DENND2C: variants seen among roughly 807,000 people sequenced by gnomAD.
DENND2C encodes the protein DENN domain-containing protein 2C.
DENND2C carries 72 observed loss-of-function variants against 112.4 expected under a neutral mutation model. That is an observed-to-expected ratio of 0.64 (90% confidence interval 0.53 to 0.78). The LOEUF (loss-of-function observed/expected upper bound fraction) is 0.78. DENND2C is among the 30% of genes least tolerant of loss of function. The pLI is 0.00. For missense variants in DENND2C, 992 were observed against 1,113.8 expected (o/e 0.89, Z 1.56); for synonymous variants, 329 against 381.6 (o/e 0.86, Z 1.61).
chr1:114,643,831 T>C (rs1656907419), intron 3 of DENND2C, among the ~76,000 whole-genome samples: 1 of 93,244 alleles, frequency 1.1e-5, no homozygotes, highest in South Asian at 4.4e-4. Context: ...AATGAAAGAA[T>C]GAAAAATGAT....
At chr1:114,638,102 G>A (rs1437103332) in intron 3 of DENND2C, among the ~76,000 whole-genome samples, 4 of 152,052 alleles carry the variant, frequency 2.6e-5, no homozygotes, top group South Asian at 4.1e-4. Context: ...CAGACAAAAG[G>A]ATCAGCAGAA....
chr1:114,635,026 TAA>T (rs374636363), intron 3 of DENND2C, among the ~76,000 whole-genome samples: 11 of 94,702 alleles, frequency 1.2e-4, no homozygotes, highest in Middle Eastern at 7.8e-3. Flanking sequence ...AGACTCCGTC[TAA>T]AAAAAAAAAA....
intron 1 of DENND2C, among the ~76,000 whole-genome samples, chr1:114,658,085 A>T (rs572022473): frequency 6.6e-6 from 1 of 152,302 alleles, no homozygotes; most frequent in South Asian, 2.1e-4. Flanking sequence ...GATGGCTTCT[A>T]TTTTCTATTT....
chr1:114,653,506 A>G (rs967397585), intron 2 of DENND2C, among the ~76,000 whole-genome samples: 1 of 152,126 alleles, frequency 6.6e-6, no homozygotes, highest in Non-Finnish European at 1.5e-5. Context: ...ATAAGATTGA[A>G]TTTTTTGGTC....
chr1:114,612,601 C>T (rs1043203364), intron 8 of DENND2C, among the ~76,000 whole-genome samples: 5 of 151,482 alleles, frequency 3.3e-5, no homozygotes, highest in Non-Finnish European at 7.4e-5. Context: ...CTCACTACAA[C>T]CTCCACCTCC....
At chr1:114,666,506 A>G (rs1025551625) in intron 1 of DENND2C, among the ~76,000 whole-genome samples, 1 of 152,152 alleles carries the variant, frequency 6.6e-6, no homozygotes, top group Non-Finnish European at 1.5e-5. Context: ...GCCAGGCTGG[A>G]GTGCAGGTGC....
rs143913546 is a variant in DENND2C at position 114,600,909 on chromosome 1, G to C, written c.1867C>G (p.Pro623Ala). The C allele has an allele frequency of 4.2e-5, 67 of 1,613,778 alleles. No homozygotes were observed. Among genetic ancestry groups the C allele is most frequent in the Non-Finnish European group, 4.9e-5 (58 of 1,179,890 alleles). The change falls in exon 14 of 21, where the codon CCA becomes GCA. Residue 623 changes from proline (P) to alanine (A), a missense_variant. Pro to Ala is a conservative substitution (Grantham distance 27). Around this residue, in one of 3 missense-constraint regions of DENND2C, gnomAD observed 516 missense variants for 623.6 expected, o/e 0.83. Coordinates refer to ENST00000393274, the MANE Select transcript of DENND2C (RefSeq NM_001256404.2). ...RREMSPALVY[P>A]FMRSVMEAPF... ...GCTTCCATGACACTTCGCATGAATG[G>C]GTAAACAAGGGCTGGAGACATTTCT... is the stretch of plus-strand genomic sequence containing the variant.
intron 3 of DENND2C, among the ~76,000 whole-genome samples, chr1:114,638,154 T>C (rs149676819): frequency 2.6e-5 from 4 of 152,206 alleles, no homozygotes; most frequent in Non-Finnish European, 4.4e-5. Context: ...ATATAGTCAA[T>C]TGATTTCCAC....
At chr1:114,632,436 C>T (rs1276853359) in intron 3 of DENND2C, among the ~76,000 whole-genome samples, 1 of 151,810 alleles carries the variant, frequency 6.6e-6, no homozygotes, top group Non-Finnish European at 1.5e-5. Context: ...ACAGGGGAAA[C>T]AAGGTAAGCC....
chr1:114,626,491 T>C (rs1294065584), intron 3 of DENND2C, among the ~76,000 whole-genome samples: 4 of 150,984 alleles, frequency 2.6e-5, no homozygotes, highest in African/African-American at 4.9e-5. Flanking sequence ...GTATACAATA[T>C]TTTTGTAATA....
chr1:114,619,127 T>C (rs894142089), intron 7 of DENND2C, among the ~76,000 whole-genome samples: 36 of 152,194 alleles, frequency 2.4e-4, no homozygotes, highest in Non-Finnish European at 3.5e-4. Context: ...CTTCTCTCCA[T>C]TTCATAAGTA....
At chr1:114,624,533 C>A (rs1656274919) in intron 4 of DENND2C, among the ~76,000 whole-genome samples, 1 of 151,896 alleles carries the variant, frequency 6.6e-6, no homozygotes, top group African/African-American at 2.4e-5. Context: ...GTCTTGAACT[C>A]CTGGCCTCAA....
chr1:114,643,159 T>C (rs1656892294), intron 3 of DENND2C, among the ~76,000 whole-genome samples: 1 of 152,188 alleles, frequency 6.6e-6, no homozygotes, highest in Non-Finnish European at 1.5e-5. Context: ...GCTTCTGCAA[T>C]GCTGTCTTAG....
intron 2 of DENND2C, among the ~76,000 whole-genome samples, chr1:114,649,654 T>C (rs1384937097): frequency 2.0e-5 from 3 of 152,170 alleles, no homozygotes; most frequent in Non-Finnish European, 4.4e-5. Context: ...TATTATAAAT[T>C]TTGAGCCAAT....
At chr1:114,651,680 A>C (rs1369479497) in intron 2 of DENND2C, among the ~76,000 whole-genome samples, 1 of 152,016 alleles carries the variant, frequency 6.6e-6, no homozygotes, top group Non-Finnish European at 1.5e-5. Context: ...CGGATCCTGC[A>C]GAGCTGAGAT....
chr1:114,599,481 T>C (rs1353861047), intron 15 of DENND2C, 30 bp from the exon 16 acceptor site: 14 of 1,538,166 alleles, frequency 9.1e-6, no homozygotes, highest in Non-Finnish European at 1.2e-5. Flanking sequence ...AATGGTGTCA[T>C]ATATAGAGTA....
At chr1:114,586,108 A>ATT (rs1301001211) in intron 20 of DENND2C, among the ~76,000 whole-genome samples, 11 of 152,228 alleles carry the variant, frequency 7.2e-5, no homozygotes, top group Non-Finnish European at 1.3e-4. Context: ...AAGACAAAAT[A>ATT]TAAATATCGT....
At position 114,628,223 on chromosome 1, in the gene DENND2C, G is replaced by A. The variant is rs553355859; in HGVS notation, c.-204-2035C>T. Among the ~76,000 whole-genome samples the A allele has an allele frequency of 8.1e-4, 123 of 151,962 alleles. 1 individual carries two copies. Among genetic ancestry groups the A allele is most frequent in the Non-Finnish European group, 1.2e-3 (83 of 67,966 alleles). ...TCCCAGCTACAAGCTGGGAGGCTGA[G>A]GCAGGAGGACTGCTTGAGCCCAGAT... On this transcript the variant is annotated intron_variant, in intron 3 of 20. Transcript: ENST00000393274.
chr1:114,609,170 A>G (rs1655744726), intron 9 of DENND2C, among the ~76,000 whole-genome samples: 1 of 152,214 alleles, frequency 6.6e-6, no homozygotes, highest in African/African-American at 2.4e-5. Flanking sequence ...ATGCTATCCC[A>G]TCTTTCATGG....
Sources: gnomAD v4.1 joint callset for allele counts (sites outside exome capture counted in the v4.1 genomes callset) on GRCh38, gnomAD v4.1.1 for gene constraint, gnomAD v4.1.1 regional missense constraint, MANE v1.5 for transcripts, NCBI Gene and HGNC (gene_info 2026-07-23, HGNC 2026-07-21) for gene names.